Variants in RALYL observed in about 807,000 individuals in gnomAD.
RALYL encodes the protein RNA-binding Raly-like protein.
RALYL carries 29 observed loss-of-function variants against 35.1 expected under a neutral mutation model. The ratio of observed to expected loss-of-function variants is 0.83; its 90% CI spans 0.61 to 1.13. RALYL has a LOEUF of 1.13. Ranked by LOEUF, RALYL falls within the 50% of genes most tolerant of loss-of-function variation. The pLI is 0.00. For missense variants in RALYL, 359 were observed against 360.4 expected (o/e 1.00, Z 0.03); for synonymous variants, 120 against 127.6 (o/e 0.94, Z 0.40).
chr8:84,494,770 T>C (rs2055804163), intron 1 of RALYL, among the ~76,000 whole-genome samples: 1 of 152,176 alleles, frequency 6.6e-6, no homozygotes, highest in Admixed American at 6.6e-5. Flanking sequence ...TTTGCTGAAG[T>C]TGCTTATCAG....
rs931873750 is a variant in RALYL, at chr8:84,183,357, T to TCGCCGCCGC, written c.-1083_-1075dup. The TCGCCGCCGC allele has an allele frequency of 6.5e-6, 1 of 154,278 alleles. No individual in the cohort carries two copies. Among genetic ancestry groups the TCGCCGCCGC allele is most frequent in the South Asian group, 1.8e-4 (1 of 5,706 alleles). 9.6% of individuals were successfully genotyped at this position (154,278 alleles called of 1,614,324 possible). The stretch of plus-strand genomic sequence containing the variant: ...CCGCTCTCAGGCGCCAGGCTCCCCG[T>TCGCCGCCGC]CGCCGCCGCCGCCGCCTCGCCAGCC... On this transcript the variant is annotated 5_prime_UTR_variant, in exon 1 of 9. Coordinates refer to ENST00000521268, the MANE Select transcript of RALYL (RefSeq NM_173848.7).
At chr8:84,494,443 GTTC>G in intron 1 of RALYL, among the ~76,000 whole-genome samples, 1 of 152,050 alleles carries the variant, frequency 6.6e-6, no homozygotes, top group East Asian at 1.9e-4. Flanking sequence ...TGTGAAGAAT[GTTC>G]ATGGTAGTTT....
intron 2 of RALYL, among the ~76,000 whole-genome samples, chr8:84,749,350 T>C (rs949805957): frequency 6.6e-6 from 1 of 152,142 alleles, no homozygotes. Flanking sequence ...CTTCTGGCCA[T>C]ATGGCTTTGC....
intron 2 of RALYL, among the ~76,000 whole-genome samples, chr8:84,610,794 T>C (rs1156914089): frequency 6.6e-6 from 1 of 152,174 alleles, no homozygotes; most frequent in Non-Finnish European, 1.5e-5. Flanking sequence ...ATTTTGTTAC[T>C]CAAATACTTC....
chr8:84,266,747 T>C (rs903648251), intron 1 of RALYL, among the ~76,000 whole-genome samples: 1 of 151,788 alleles, frequency 6.6e-6, no homozygotes, highest in South Asian at 2.1e-4. Flanking sequence ...GATCACGAGG[T>C]CAGGAGATCG....
intron 2 of RALYL, among the ~76,000 whole-genome samples, chr8:84,771,495 A>G (rs907104726): frequency 2.6e-5 from 4 of 152,098 alleles, no homozygotes; most frequent in Non-Finnish European, 5.9e-5. Context: ...AGTTTTTACC[A>G]TGTACATTTA....
At chr8:84,442,611 C>T (rs1290222961) in intron 1 of RALYL, among the ~76,000 whole-genome samples, 2 of 152,096 alleles carry the variant, frequency 1.3e-5, no homozygotes, top group African/African-American at 4.8e-5. Flanking sequence ...GTCAATAATT[C>T]CTGTGCTGCA....
chr8:84,561,533 A>C (rs1479898764), intron 2 of RALYL, among the ~76,000 whole-genome samples: 1 of 151,990 alleles, frequency 6.6e-6, no homozygotes. Context: ...TAACAATAAT[A>C]ATCTTCAATT....
intron 8 of RALYL, among the ~76,000 whole-genome samples, chr8:84,894,702 C>T (rs756795547): frequency 1.3e-5 from 2 of 152,220 alleles, no homozygotes; most frequent in Non-Finnish European, 2.9e-5. Context: ...CTGCTTCCAG[C>T]TTTCCACCTG....
At chr8:84,459,761 T>C (rs2050540110) in intron 1 of RALYL, among the ~76,000 whole-genome samples, 1 of 151,740 alleles carries the variant, frequency 6.6e-6, no homozygotes, top group South Asian at 2.1e-4. Context: ...GTTTATGGAA[T>C]GTGGTGAAGA....
intron 2 of RALYL, among the ~76,000 whole-genome samples, chr8:84,747,607 G>C (rs1808920039): frequency 6.6e-6 from 1 of 151,750 alleles, no homozygotes; most frequent in African/African-American, 2.4e-5. Flanking sequence ...AACATAAGCA[G>C]TTCTTGTAAA....
At chr8:84,330,471 C>A (rs777583772) in intron 1 of RALYL, among the ~76,000 whole-genome samples, 2 of 151,992 alleles carry the variant, frequency 1.3e-5, no homozygotes, top group Non-Finnish European at 2.9e-5. Context: ...ATACTAGAAA[C>A]AACCAAAGTT....
At chr8:84,184,886 C>A in intron 1 of RALYL, 1 of 1,291,302 alleles carries the variant, frequency 7.7e-7, no homozygotes, top group Non-Finnish European at 1.1e-6. Flanking sequence ...GCAGAGACCG[C>A]ATATTCCGGA....
intron 2 of RALYL, among the ~76,000 whole-genome samples, chr8:84,601,177 C>A (rs1219383111): frequency 6.6e-6 from 1 of 151,954 alleles, no homozygotes; most frequent in Admixed American, 6.6e-5. Flanking sequence ...TATGGATAAG[C>A]AATTCACTAA....
rs534131313 is a variant in RALYL, at chr8:84,832,897, A to G, written c.366-17083A>G. Among the ~76,000 whole-genome samples the G allele has an allele frequency of 1.8e-3, 278 of 152,288 alleles. 2 individuals carry two copies. The South Asian group carries it at 0.031, about 17-fold the overall frequency. ...TTTTTTAAAACATACTAGAAGCTCA[A>G]GGTATTGGTATTCATTATCTTATTT... On this transcript the variant is annotated intron_variant, in intron 4 of 8. Coordinates refer to ENST00000521268, the MANE Select transcript of RALYL (RefSeq NM_173848.7).
At chr8:84,648,273 G>A (rs1214962824) in intron 2 of RALYL, among the ~76,000 whole-genome samples, 1 of 152,058 alleles carries the variant, frequency 6.6e-6, no homozygotes, top group Non-Finnish European at 1.5e-5. Flanking sequence ...GATTCCACAG[G>A]TGCCACATAA....
intron 1 of RALYL, among the ~76,000 whole-genome samples, chr8:84,297,328 T>G (rs2132308794): frequency 6.6e-6 from 1 of 152,226 alleles, no homozygotes; most frequent in South Asian, 2.1e-4. Context: ...GTTCCTGTGT[T>G]AGTTCACTTA....
chr8:84,800,372 C>T (rs555476772), intron 3 of RALYL, among the ~76,000 whole-genome samples: 40 of 152,272 alleles, frequency 2.6e-4, no homozygotes, highest in Middle Eastern at 3.4e-3. Context: ...TGTATCATGA[C>T]GTTTAAATAA....
At chr8:84,793,497 G>A (rs1249008611) in intron 3 of RALYL, among the ~76,000 whole-genome samples, 1 of 152,184 alleles carries the variant, frequency 6.6e-6, no homozygotes, top group Non-Finnish European at 1.5e-5. Context: ...ATCGGGTTTG[G>A]TGTTATGGCT....
Sources: allele counts gnomAD v4.1 joint callset (sites outside exome capture counted in the v4.1 genomes callset), GRCh38; gene constraint gnomAD v4.1.1; transcripts MANE v1.5; gene names NCBI Gene and HGNC (gene_info 2026-07-23, HGNC 2026-07-21).